Variants in UNC13C observed in about 807,000 individuals in gnomAD.
The protein encoded by UNC13C is protein unc-13 homolog C.
UNC13C carries 174 observed loss-of-function variants against 245.4 expected under a neutral mutation model. The ratio of observed to expected loss-of-function variants is 0.71; its 90% CI spans 0.63 to 0.80. The LOEUF (loss-of-function observed/expected upper bound fraction) is 0.80. Among genes scored for constraint, UNC13C ranks in the 30% least tolerant of loss-of-function variants. The pLI, the probability that UNC13C is intolerant of heterozygous loss-of-function variation, is 0.00. For missense variants in UNC13C, 2,829 were observed against 2,602.9 expected, an observed-to-expected ratio of 1.09 and a Z score of -1.89; for synonymous variants, 992 against 895.1, an observed-to-expected ratio of 1.11 and a Z score of -1.93.
chr15:54,359,057 G>T (rs183972354), intron 17 of UNC13C, among the ~76,000 whole-genome samples: 12 of 151,570 alleles, frequency 7.9e-5, no homozygotes, highest in Admixed American at 7.9e-4. Flanking sequence ...TTTTTTTTCT[G>T]TGTCTACTGA....
intron 30 of UNC13C, among the ~76,000 whole-genome samples, chr15:54,569,556 C>CTGTG (rs150651851): frequency 1.3e-5 from 2 of 150,252 alleles, no homozygotes; most frequent in African/African-American, 4.9e-5. Context: ...CAAGGGCCGA[C>CTGTG]TGTGTGTGTG....
intron 4 of UNC13C, among the ~76,000 whole-genome samples, chr15:54,218,724 A>C (rs2035121535): frequency 6.6e-6 from 1 of 151,956 alleles, no homozygotes; most frequent in Non-Finnish European, 1.5e-5. Flanking sequence ...GGCAATCCAA[A>C]AAATGGGCTG....
intron 19 of UNC13C, among the ~76,000 whole-genome samples, chr15:54,454,057 T>A (rs1891332979): frequency 6.6e-6 from 1 of 152,154 alleles, no homozygotes; most frequent in Admixed American, 6.5e-5. Context: ...CTCAGCATAA[T>A]GTTTTCAAGG....
chr15:53,918,386 T>C, the UNC13C span, among the ~76,000 whole-genome samples: 1 of 152,174 alleles, frequency 6.6e-6, no homozygotes, highest in Non-Finnish European at 1.5e-5. Context: ...TTATCACAAG[T>C]CATGCTTACT....
At chr15:54,113,633 T>A (rs1035882571) in intron 2 of UNC13C, among the ~76,000 whole-genome samples, 1 of 152,110 alleles carries the variant, frequency 6.6e-6, no homozygotes, top group African/African-American at 2.4e-5. Flanking sequence ...AAGATCATCG[T>A]ACCTAATACT....
At chr15:54,032,245 G>A (rs556744513) in intron 2 of UNC13C, among the ~76,000 whole-genome samples, 154 of 152,260 alleles carry the variant, frequency 1.0e-3, no homozygotes, top group African/African-American at 3.6e-3. Context: ...TAGTATGAAC[G>A]ATTTAGAAAG....
At position 54,137,067 on chromosome 15, in the gene UNC13C, C is replaced by G. The variant is rs552228445; in HGVS notation, c.2984-5951C>G. Among the ~76,000 whole-genome samples the G allele has an allele frequency of 8.5e-5, 13 of 152,256 alleles. No homozygotes were observed. In the South Asian group the frequency reaches 2.1e-3, roughly 24 times the overall value. ...TAGTCTTGCCCAGGCTAGTCTTGAACTCCTGGGCCGTAGTGATCTGCCCAC... is the reference window on the plus strand; with the variant it reads ...TAGTCTTGCCCAGGCTAGTCTTGAAGTCCTGGGCCGTAGTGATCTGCCCAC... On this transcript the variant is annotated intron_variant, in intron 2 of 32. Coordinates refer to ENST00000260323, the MANE Select transcript of UNC13C (RefSeq NM_001080534.3).
intron 30 of UNC13C, among the ~76,000 whole-genome samples, chr15:54,578,335 CA>C (rs369063588): frequency 2.4e-5 from 3 of 122,988 alleles, no homozygotes; most frequent in Admixed American, 8.3e-5. Context: ...TGAAAGATTA[CA>C]TTTTTTTATC....
chr15:54,457,772 C>G (rs1596410217), intron 19 of UNC13C, among the ~76,000 whole-genome samples: 1 of 151,528 alleles, frequency 6.6e-6, no homozygotes, highest in East Asian at 1.9e-4. Context: ...TCTTCTTTTT[C>G]TTGGTTAATC....
chr15:54,371,742 C>A (rs1457733956), intron 17 of UNC13C, among the ~76,000 whole-genome samples: 1 of 151,358 alleles, frequency 6.6e-6, no homozygotes, highest in Non-Finnish European at 1.5e-5. Context: ...ACACACATAC[C>A]AGTGGAATAC....
chr15:54,277,345 T>G (rs1399322988), intron 10 of UNC13C, among the ~76,000 whole-genome samples: 1 of 152,198 alleles, frequency 6.6e-6, no homozygotes, highest in Non-Finnish European at 1.5e-5. Flanking sequence ...GTTAAAGCAC[T>G]AAAATAAGAA....
intron 13 of UNC13C, among the ~76,000 whole-genome samples, chr15:54,301,462 C>A (rs752723578): frequency 2.6e-5 from 4 of 151,970 alleles, no homozygotes; most frequent in African/African-American, 9.7e-5. Context: ...CAACAGGCCC[C>A]GGTGTGTGAT....
intron 19 of UNC13C, among the ~76,000 whole-genome samples, chr15:54,427,662 C>A (rs1329923451): frequency 6.6e-6 from 1 of 151,754 alleles, no homozygotes; most frequent in Non-Finnish European, 1.5e-5. Context: ...ACATTTATAA[C>A]TTTAATTTTA....
intron 1 of UNC13C, among the ~76,000 whole-genome samples, chr15:53,997,453 A>G (rs1267978890): frequency 3.3e-5 from 5 of 152,092 alleles, no homozygotes; most frequent in Non-Finnish European, 7.4e-5. Flanking sequence ...GTGCTTATTT[A>G]TACTTCTAAG....
intron 19 of UNC13C, among the ~76,000 whole-genome samples, chr15:54,479,942 A>G (rs1005599153): frequency 6.6e-6 from 1 of 151,792 alleles, no homozygotes; most frequent in Non-Finnish European, 1.5e-5. Context: ...TTTTATTGGC[A>G]GTTTTTTGTT....
At chr15:53,865,730 A>G in the UNC13C span, among the ~76,000 whole-genome samples, 1 of 152,174 alleles carries the variant, frequency 6.6e-6, no homozygotes, top group Non-Finnish European at 1.5e-5. Context: ...ATAAAAATCT[A>G]TTTAAAATCA....
chr15:54,144,186 T>A (rs968573059), intron 4 of UNC13C, among the ~76,000 whole-genome samples: 10 of 152,190 alleles, frequency 6.6e-5, no homozygotes, highest in African/African-American at 9.6e-5. Context: ...GAAATTTATT[T>A]TCTATGTAAA....
At chr15:53,901,870 A>G in the UNC13C span, among the ~76,000 whole-genome samples, 2 of 152,142 alleles carry the variant, frequency 1.3e-5, no homozygotes, top group Non-Finnish European at 2.9e-5. Flanking sequence ...CCTCTCTTCA[A>G]GTCTCTCTTA....
chr15:54,445,409 G>A (rs1890753712), intron 19 of UNC13C, among the ~76,000 whole-genome samples: 1 of 152,118 alleles, frequency 6.6e-6, no homozygotes, highest in African/African-American at 2.4e-5. Context: ...CTAGTTTACA[G>A]TCCCACCAAT....
Sources: allele counts gnomAD v4.1 joint callset (sites outside exome capture counted in the v4.1 genomes callset), GRCh38; gene constraint gnomAD v4.1.1; transcripts MANE v1.5; gene names NCBI Gene and HGNC (gene_info 2026-07-23, HGNC 2026-07-21).